Variants in SSBP3 observed in about 807,000 individuals in gnomAD.
SSBP3 encodes the protein single-stranded DNA-binding protein 3.
In SSBP3, 5 loss-of-function variants were observed where a neutral mutation model predicts 69.6. That is an observed-to-expected ratio of 0.07 (90% CI 0.04 to 0.15). The LOEUF (loss-of-function observed/expected upper bound fraction) is 0.15. SSBP3 is among the 10% of genes least tolerant of loss of function. SSBP3 has a pLI of 1.00. For synonymous variants in SSBP3, 196 were observed against 193.4 expected (o/e 1.01, Z -0.11); for missense variants, 312 against 534.0 (o/e 0.58, Z 4.10).
At chr1:54,410,366 C>T (rs983482309), upstream of SSBP3, among the ~76,000 whole-genome samples, 29 of 152,284 alleles carry the variant, frequency 1.9e-4, no homozygotes, top group African/African-American at 6.5e-4. Context: ...ACTTTAGGCC[C>T]ATGAACTCAA....
chr1:54,377,481 CACACAGGTGGCTTGAGGT>C (rs899071008), intron 4 of SSBP3, among the ~76,000 whole-genome samples: 1 of 152,208 alleles, frequency 6.6e-6, no homozygotes, highest in African/African-American at 2.4e-5. Flanking sequence ...AGAGCAGGGT[CACACAGGTGGCTTGAGGT>C]AGGACGCCAG....
intron 4 of SSBP3, among the ~76,000 whole-genome samples, chr1:54,385,960 T>C (rs544773399): frequency 6.6e-6 from 1 of 152,312 alleles, no homozygotes; most frequent in African/African-American, 2.4e-5. Flanking sequence ...GCTTCCTTTT[T>C]CAAAGAAAAA....
At chr1:54,245,127 TAGG>T (rs1045525903) in intron 9 of SSBP3, among the ~76,000 whole-genome samples, 4 of 152,196 alleles carry the variant, frequency 2.6e-5, no homozygotes, top group Non-Finnish European at 5.9e-5. Flanking sequence ...TCTGCCCTTG[TAGG>T]AGAACTTGAA....
chr1:54,402,371 AC>A (rs1243549340), intron 3 of SSBP3, among the ~76,000 whole-genome samples: 2 of 152,092 alleles, frequency 1.3e-5, no homozygotes, highest in Non-Finnish European at 2.9e-5. Flanking sequence ...TACCACCCAA[AC>A]CAAAATGGCT....
At chr1:54,235,295 T>G (rs1644469119) in intron 14 of SSBP3, among the ~76,000 whole-genome samples, 1 of 122,290 alleles carries the variant, frequency 8.2e-6, no homozygotes, top group Admixed American at 8.3e-5. Flanking sequence ...TTTTTTTTTT[T>G]TTTTGAGACA....
At chr1:54,361,447 G>A (rs1646950612) in intron 4 of SSBP3, among the ~76,000 whole-genome samples, 1 of 152,016 alleles carries the variant, frequency 6.6e-6, no homozygotes, top group Non-Finnish European at 1.5e-5. Flanking sequence ...AAAAAGAAAA[G>A]AGCCCTTCCG....
In SSBP3 at chr1:54,258,607, C is replaced by T. The variant is rs907767360; in HGVS notation, c.367-458G>A. 6.6e-6 allele frequency among the ~76,000 whole-genome samples: 1 copy of T among 152,158 alleles called. No homozygotes were observed. ...GCCCTGCCCTCAAGGAGCTCACAGT[C>T]TGGGGGACAGTGACACGGCTATGGG... On this transcript the variant is annotated intron_variant, in intron 5 of 17. Coordinates refer to ENST00000610401, the Ensembl canonical transcript of SSBP3. The surrounding 1 kb of genome is among the most constrained non-coding windows in gnomAD (Gnocchi z 4.5).
intron 4 of SSBP3, among the ~76,000 whole-genome samples, chr1:54,309,435 AGC>A (rs1645959192): frequency 6.6e-6 from 1 of 152,256 alleles, no homozygotes; most frequent in Non-Finnish European, 1.5e-5. Context: ...TTCTCTGCGC[AGC>A]AAAGGGAAAT....
chr1:54,327,259 AGG>A (rs1557534669), intron 4 of SSBP3, among the ~76,000 whole-genome samples: 26 of 151,462 alleles, frequency 1.7e-4, no homozygotes, highest in African/African-American at 6.1e-4. Flanking sequence ...GAAGGAAGGA[AGG>A]AAGGAAGGAA....
At chr1:54,271,657 C>T (rs1645196242) in intron 5 of SSBP3, among the ~76,000 whole-genome samples, 1 of 152,242 alleles carries the variant, frequency 6.6e-6, no homozygotes, top group African/African-American at 2.4e-5. Flanking sequence ...GTGCTGCATA[C>T]AGACCTGGCA....
chr1:54,233,109 G>A (rs1271256092), intron 14 of SSBP3, among the ~76,000 whole-genome samples: 3 of 150,840 alleles, frequency 2.0e-5, no homozygotes, highest in South Asian at 2.1e-4. Context: ...GTCTCCGCCC[G>A]GCCGCCATCC....
At chr1:54,265,791 T>C (rs997799118) in intron 5 of SSBP3, among the ~76,000 whole-genome samples, 3 of 152,362 alleles carry the variant, frequency 2.0e-5, no homozygotes, top group South Asian at 4.1e-4. Context: ...GGTTCATTGA[T>C]TTCCGTGTGA....
intron 4 of SSBP3, among the ~76,000 whole-genome samples, chr1:54,314,938 T>C (rs1646069347): frequency 6.6e-6 from 1 of 151,966 alleles, no homozygotes; most frequent in Non-Finnish European, 1.5e-5. Context: ...GAGCTGAAAA[T>C]CCTAAGAACA....
chr1:54,341,085 C>G (rs1186996787), intron 4 of SSBP3, among the ~76,000 whole-genome samples: 1 of 152,244 alleles, frequency 6.6e-6, no homozygotes, highest in Non-Finnish European at 1.5e-5. Flanking sequence ...GAAACAATGT[C>G]TGCATAGTAA....
chr1:54,308,755 G>A (rs183763396), intron 4 of SSBP3, among the ~76,000 whole-genome samples: 4 of 152,056 alleles, frequency 2.6e-5, no homozygotes, highest in Admixed American at 1.3e-4. Context: ...GTGACAGAGC[G>A]AGACTCAGTC....
chr1:54,230,709 C>G (rs1337083749), intron 14 of SSBP3, among the ~76,000 whole-genome samples: 1 of 152,186 alleles, frequency 6.6e-6, no homozygotes. Flanking sequence ...CAGGCAAACA[C>G]TAATCTACTT....
At chr1:54,231,132 AGC>A (rs1314926859) in intron 14 of SSBP3, among the ~76,000 whole-genome samples, 1 of 152,246 alleles carries the variant, frequency 6.6e-6, no homozygotes, top group African/African-American at 2.4e-5. Flanking sequence ...TGTTTAACAA[AGC>A]AGCTGTGCCA....
chr1:54,379,909 T>A (rs545725976), intron 4 of SSBP3, among the ~76,000 whole-genome samples: 1 of 152,332 alleles, frequency 6.6e-6, no homozygotes, highest in South Asian at 2.1e-4. Flanking sequence ...ACACGAGGCT[T>A]TCACTCTGTG....
chr1:54,410,593 G>A (rs557709386), upstream of SSBP3, among the ~76,000 whole-genome samples: 10 of 152,298 alleles, frequency 6.6e-5, no homozygotes, highest in African/African-American at 2.2e-4. Flanking sequence ...CCTTCGGGCC[G>A]GTCAGCTCTG....
Sources: gnomAD v4.1 joint callset for allele counts (sites outside exome capture counted in the v4.1 genomes callset) on GRCh38, gnomAD v4.1.1 for gene constraint, Gnocchi (gnomAD v3.1) non-coding constraint, MANE v1.5 for transcripts, NCBI Gene and HGNC (gene_info 2026-07-23, HGNC 2026-07-21) for gene names.